Variants in SMYD3 observed in about 807,000 individuals in gnomAD.
SMYD3 encodes the protein SET and MYND domain containing 3.
A neutral mutation model predicts 57.7 loss-of-function variants in SMYD3; 36 were observed. That is an observed-to-expected ratio of 0.62 (90% confidence interval 0.48 to 0.82). The LOEUF is 0.82. Ranked by LOEUF, SMYD3 falls within the 40% of genes least tolerant of loss-of-function variation. SMYD3 has a pLI of 0.00. For missense variants in SMYD3, 515 were observed against 538.8 expected (o/e 0.96, Z 0.44); for synonymous variants, 211 against 195.0 (o/e 1.08, Z -0.68).
chr1:245,923,551 A>G (rs762835575), intron 7 of SMYD3, among the ~76,000 whole-genome samples: 1 of 151,744 alleles, frequency 6.6e-6, no homozygotes, highest in Non-Finnish European at 1.5e-5. Context: ...ACTGCTTCCT[A>G]CTCCTTGAAC....
At chr1:246,315,642 T>A (rs2065144040) in intron 5 of SMYD3, among the ~76,000 whole-genome samples, 1 of 151,496 alleles carries the variant, frequency 6.6e-6, no homozygotes, top group South Asian at 2.1e-4. Context: ...ACGCTCTGGT[T>A]ATAAAGCTCT....
chr1:246,058,967 C>T (rs529488582), intron 5 of SMYD3, among the ~76,000 whole-genome samples: 50 of 152,044 alleles, frequency 3.3e-4, no homozygotes, highest in African/African-American at 1.0e-3. Flanking sequence ...CTCCGCCTCC[C>T]GGGTTCACAC....
intron 8 of SMYD3, among the ~76,000 whole-genome samples, chr1:245,885,804 A>G (rs2148565323): frequency 6.6e-6 from 1 of 152,326 alleles, no homozygotes. Flanking sequence ...CACAATTTTT[A>G]CAATGATTTT....
intron 5 of SMYD3, among the ~76,000 whole-genome samples, chr1:246,300,337 CT>C (rs2148612812): frequency 6.6e-6 from 1 of 152,136 alleles, no homozygotes; most frequent in Admixed American, 6.5e-5. Flanking sequence ...TAGACAATGG[CT>C]TTTGTTGTGT....
At chr1:246,363,649 T>G (rs1454802282) in intron 1 of SMYD3, among the ~76,000 whole-genome samples, 1 of 152,204 alleles carries the variant, frequency 6.6e-6, no homozygotes. Context: ...CTGAAACATG[T>G]GCTGTGTCCA....
At chr1:246,195,393 G>C (rs1284535909) in intron 5 of SMYD3, among the ~76,000 whole-genome samples, 1 of 152,080 alleles carries the variant, frequency 6.6e-6, no homozygotes, top group Non-Finnish European at 1.5e-5. Context: ...GGACTCATGT[G>C]GTACGGGGCC....
intron 5 of SMYD3, among the ~76,000 whole-genome samples, chr1:246,137,521 T>C (rs2061681793): frequency 6.6e-6 from 1 of 152,224 alleles, no homozygotes; most frequent in Non-Finnish European, 1.5e-5. Context: ...TCAAGGTTCA[T>C]TAAGTTTTTT....
intron 5 of SMYD3, among the ~76,000 whole-genome samples, chr1:246,094,408 G>T (rs1320056177): frequency 1.3e-5 from 2 of 152,162 alleles, no homozygotes; most frequent in African/African-American, 2.4e-5. Flanking sequence ...CTTAAACTTA[G>T]AAGAGAGGAC....
intron 5 of SMYD3, among the ~76,000 whole-genome samples, chr1:246,151,718 G>A (rs577640460): frequency 2.6e-5 from 4 of 152,208 alleles, no homozygotes; most frequent in South Asian, 2.1e-4. Context: ...TTTAAGGCCC[G>A]TTTCAACCCC....
intron 10 of SMYD3, among the ~76,000 whole-genome samples, chr1:245,818,192 G>T (rs556342563): frequency 7.6e-4 from 115 of 152,268 alleles, no homozygotes; most frequent in African/African-American, 2.6e-3. Context: ...GACTAACAGC[G>T]GATCTCTCAG....
At chr1:246,368,969 A>G (rs540299436) in intron 1 of SMYD3, among the ~76,000 whole-genome samples, 3 of 152,344 alleles carry the variant, frequency 2.0e-5, no homozygotes, top group South Asian at 4.1e-4. Context: ...AGATAGAAAG[A>G]TAGATAGATA....
At chr1:245,795,247 G>A (rs972560356) in intron 10 of SMYD3, among the ~76,000 whole-genome samples, 6 of 152,150 alleles carry the variant, frequency 3.9e-5, no homozygotes, top group African/African-American at 1.4e-4. Context: ...TCCTGTGTCT[G>A]GGATCTTATA....
intron 1 of SMYD3, among the ~76,000 whole-genome samples, chr1:246,497,292 T>C (rs930403420): frequency 6.6e-6 from 1 of 152,222 alleles, no homozygotes; most frequent in East Asian, 1.9e-4. Flanking sequence ...ATTAGTGAGT[T>C]TTATATAGAT....
At chr1:245,821,184 G>A (rs911873060) in intron 10 of SMYD3, among the ~76,000 whole-genome samples, 5 of 150,070 alleles carry the variant, frequency 3.3e-5, no homozygotes, top group Admixed American at 2.7e-4. Context: ...GCATGGTACT[G>A]GTACCAAAAC....
intron 10 of SMYD3, among the ~76,000 whole-genome samples, chr1:245,823,809 C>A (rs1467372828): frequency 6.6e-6 from 1 of 152,184 alleles, no homozygotes; most frequent in Non-Finnish European, 1.5e-5. Flanking sequence ...GATTTAGTAC[C>A]AAACTTGCTC....
chr1:245,926,024 C>T (rs2056346549), intron 7 of SMYD3, among the ~76,000 whole-genome samples: 1 of 152,136 alleles, frequency 6.6e-6, no homozygotes. Context: ...AAAAGCATGG[C>T]ACCGGCATCT....
intron 5 of SMYD3, among the ~76,000 whole-genome samples, chr1:245,953,881 G>A (rs2057746004): frequency 1.3e-5 from 2 of 152,202 alleles, no homozygotes; most frequent in African/African-American, 2.4e-5. Context: ...AGATTAAAAC[G>A]TGTTTAGCTC....
intron 1 of SMYD3, among the ~76,000 whole-genome samples, chr1:246,413,681 G>C (rs1558453111): frequency 6.6e-6 from 1 of 152,052 alleles, no homozygotes; most frequent in Non-Finnish European, 1.5e-5. Flanking sequence ...CTTCCTCCAT[G>C]TGACGGGCCA....
intron 8 of SMYD3, among the ~76,000 whole-genome samples, chr1:245,873,598 T>C (rs1323116401): frequency 6.6e-6 from 1 of 152,228 alleles, no homozygotes; most frequent in Non-Finnish European, 1.5e-5. Context: ...CTCCATCTTT[T>C]GTATTTTCTT....
Sources: allele counts gnomAD v4.1 joint callset (sites outside exome capture counted in the v4.1 genomes callset), GRCh38; gene constraint gnomAD v4.1.1; transcripts MANE v1.5; gene names NCBI Gene and HGNC (gene_info 2026-07-23, HGNC 2026-07-21).